The following TXLNB variants were observed in gnomAD, a reference collection of about 807,000 sequenced individuals.
The protein encoded by TXLNB is taxilin beta.
TXLNB carries 37 observed loss-of-function variants against 57.4 expected under a neutral mutation model. The observed-to-expected ratio is 0.64, with a 90% CI of 0.50 to 0.85. The LOEUF is 0.85. TXLNB is among the 40% of genes least tolerant of loss of function. The pLI, the probability that TXLNB is intolerant of heterozygous loss-of-function variation, is 0.00. For missense variants in TXLNB, 848 were observed against 825.6 expected (o/e 1.03, Z -0.33); for synonymous variants, 302 against 309.6 (o/e 0.98, Z 0.26).
the TXLNB span, chr6:139,167,447 A>G: frequency 1.2e-6 from 1 of 808,612 alleles, no homozygotes; most frequent in South Asian, 1.8e-5. Context: ...GTCAGGTGCT[A>G]GGTAACATTT....
chr6:139,241,093 T>C lies in TXLNB; in HGVS notation c.*1433A>G, dbSNP rs1775923076. On this transcript the variant is annotated 3_prime_UTR_variant, in exon 10 of 10. Coordinates refer to ENST00000358430, the MANE Select transcript of TXLNB (RefSeq NM_153235.4). ...TTGTCAGTATCATTAGAGGTTCTCA[T>C]CAAGCAATGTTAATGTAATACTCAT... 6.6e-6 allele frequency: 1 copy of C among 152,340 alleles called. No individual in the cohort carries two copies. The highest frequency in any genetic ancestry group is 1.5e-5 in the Non-Finnish European group (1 of 68,036). The allele number at this position is 152,340 out of a possible 1,614,324, so 9.4% of individuals were successfully genotyped here.
At chr6:139,164,080 A>ACACTCT in the TXLNB span, among the ~76,000 whole-genome samples, 721 of 148,162 alleles carry the variant, frequency 4.9e-3, 3 homozygotes, top group Non-Finnish European at 5.7e-3. Flanking sequence ...ACACACACAC[A>ACACTCT]CTCTCTCTCT....
the TXLNB span, among the ~76,000 whole-genome samples, chr6:139,164,048 T>TCA: frequency 1.8e-3 from 262 of 142,750 alleles, no homozygotes; most frequent in Middle Eastern, 6.9e-3. Flanking sequence ...GCATGGACTC[T>TCA]CACACACACA....
intron 8 of TXLNB, among the ~76,000 whole-genome samples, chr6:139,247,253 T>C (rs1486920921): frequency 6.6e-6 from 1 of 152,068 alleles, no homozygotes; most frequent in Non-Finnish European, 1.5e-5. Flanking sequence ...GCGATTCTCC[T>C]GCCTCACCCT....
At chr6:139,195,057 G>A in the TXLNB span, among the ~76,000 whole-genome samples, 6 of 152,300 alleles carry the variant, frequency 3.9e-5, no homozygotes, top group East Asian at 5.8e-4. Context: ...CGTTAGCTGG[G>A]CTTCATTCCT....
At chr6:139,293,572 G>A (rs943053878), upstream of TXLNB, among the ~76,000 whole-genome samples, 4 of 151,938 alleles carry the variant, frequency 2.6e-5, no homozygotes, top group Non-Finnish European at 5.9e-5. Context: ...AAAGAAATTC[G>A]TTTTGGATTT....
chr6:139,226,079 G>A, the TXLNB span, among the ~76,000 whole-genome samples: 93 of 151,494 alleles, frequency 6.1e-4, no homozygotes, highest in Non-Finnish European at 1.1e-3. Flanking sequence ...CATGTGGATC[G>A]CTGGAGCACA....
chr6:139,245,778 T>C (rs187590344), intron 8 of TXLNB, among the ~76,000 whole-genome samples: 93 of 152,332 alleles, frequency 6.1e-4, no homozygotes, highest in African/African-American at 2.0e-3. Flanking sequence ...CTGCAAACTC[T>C]GCCTCCCGAG....
At chr6:139,207,575 T>C in the TXLNB span, among the ~76,000 whole-genome samples, 7 of 151,948 alleles carry the variant, frequency 4.6e-5, no homozygotes, top group South Asian at 1.5e-3. Flanking sequence ...CTCAAAGAAC[T>C]AGAGAAACAA....
chr6:139,235,731 G>A (rs1775829014), downstream of TXLNB, among the ~76,000 whole-genome samples: 2 of 152,138 alleles, frequency 1.3e-5, no homozygotes, highest in Non-Finnish European at 2.9e-5. Flanking sequence ...GTGAGGACAG[G>A]CACTCCTGTT....
chr6:139,223,453 A>G, the TXLNB span, among the ~76,000 whole-genome samples: 1 of 152,196 alleles, frequency 6.6e-6, no homozygotes, highest in Non-Finnish European at 1.5e-5. Context: ...AAACAAATGT[A>G]CAATAGAGAA....
At chr6:139,176,799 A>G in the TXLNB span, 1 of 617,090 alleles carries the variant, frequency 1.6e-6, no homozygotes, top group Non-Finnish European at 2.9e-6. This position sits in a 1 kb window ranked among gnomAD's most constrained non-coding sequence, Gnocchi z 4.5. Flanking sequence ...TCTTTCAGGT[A>G]TACCCCGTTT....
the TXLNB span, among the ~76,000 whole-genome samples, chr6:139,232,876 T>G: frequency 1.3e-5 from 2 of 152,360 alleles, no homozygotes; most frequent in South Asian, 4.1e-4. Context: ...TTTTGAGCTG[T>G]GTTGAGTTTA....
the TXLNB span, among the ~76,000 whole-genome samples, chr6:139,311,561 C>T: frequency 1.3e-5 from 2 of 152,126 alleles, no homozygotes; most frequent in African/African-American, 4.8e-5. Context: ...GAAAAGGCCT[C>T]TAGCTGACCT....
chr6:139,182,755 A>G, the TXLNB span, among the ~76,000 whole-genome samples: 1 of 152,190 alleles, frequency 6.6e-6, no homozygotes, highest in East Asian at 1.9e-4. Context: ...CTTTAGTAGA[A>G]ACTTTTAGCA....
At chr6:139,204,012 T>C in the TXLNB span, among the ~76,000 whole-genome samples, 26 of 152,186 alleles carry the variant, frequency 1.7e-4, no homozygotes, top group African/African-American at 5.5e-4. Context: ...TTCTCTGACA[T>C]GTTAGACAGC....
intron 1 of TXLNB, among the ~76,000 whole-genome samples, chr6:139,289,768 GT>G (rs1777264398): frequency 1.3e-5 from 2 of 152,114 alleles, no homozygotes; most frequent in South Asian, 4.1e-4. Flanking sequence ...GTACATGACT[GT>G]ATATATTTAA....
chr6:139,320,824 A>C, the TXLNB span, among the ~76,000 whole-genome samples: 1 of 152,174 alleles, frequency 6.6e-6, no homozygotes, highest in African/African-American at 2.4e-5. Context: ...ACATAGGCAC[A>C]AGTCATTGGG....
At chr6:139,218,568 C>T in the TXLNB span, among the ~76,000 whole-genome samples, 2 of 152,058 alleles carry the variant, frequency 1.3e-5, no homozygotes, top group Non-Finnish European at 2.9e-5. Context: ...GCCTGACCAA[C>T]AAGGTGAAAC....
Sources: gnomAD v4.1 joint callset for allele counts (sites outside exome capture counted in the v4.1 genomes callset) on GRCh38, gnomAD v4.1.1 for gene constraint, Gnocchi (gnomAD v3.1) non-coding constraint, MANE v1.5 for transcripts, NCBI Gene and HGNC (gene_info 2026-07-23, HGNC 2026-07-21) for gene names.